The following PCDHA1 variants were observed in gnomAD, a reference collection of about 807,000 sequenced individuals.
The protein encoded by PCDHA1 is protocadherin alpha 1.
A neutral mutation model predicts 61.3 loss-of-function variants in PCDHA1; 42 were observed. The ratio of observed to expected loss-of-function variants is 0.69; its 90% confidence interval spans 0.54 to 0.89. The LOEUF (loss-of-function observed/expected upper bound fraction) is 0.89, where lower values mean the gene tolerates loss of function less well. Ranked by LOEUF, PCDHA1 falls within the 40% of genes least tolerant of loss-of-function variation. PCDHA1 has a pLI of 0.00. For synonymous variants in PCDHA1, 610 were observed against 553.8 expected, an observed-to-expected ratio of 1.10 and a Z score of -1.43; for missense variants, 1,256 against 1,235.3, an observed-to-expected ratio of 1.02 and a Z score of -0.25.
chr5:140,830,154 G>T (rs2150182095), intron 1 of PCDHA1: 1 of 1,613,332 alleles, frequency 6.2e-7, no homozygotes, highest in South Asian at 1.1e-5. Flanking sequence ...GGCGCCGCGG[G>T]CCCAGAGGCG....
At chr5:140,877,980 T>C in intron 1 of PCDHA1, 1 of 1,219,572 alleles carries the variant, frequency 8.2e-7, no homozygotes. Flanking sequence ...TTCTTACTCA[T>C]TTTGAACTTT....
At chr5:140,810,721 G>T (rs1764719603) in intron 1 of PCDHA1, 3 of 150,392 alleles carry the variant, frequency 2.0e-5, no homozygotes, top group South Asian at 2.1e-4. Flanking sequence ...TCCTTATCTT[G>T]TTTTTCTTAT....
chr5:140,843,565 G>T, intron 1 of PCDHA1: 1 of 1,595,918 alleles, frequency 6.3e-7, no homozygotes, highest in South Asian at 1.1e-5. Flanking sequence ...TGGGGAGCTG[G>T]TCATACTCGC....
At chr5:140,925,219 AG>A (rs1324328907) in intron 1 of PCDHA1, among the ~76,000 whole-genome samples, 1 of 152,238 alleles carries the variant, frequency 6.6e-6, no homozygotes, top group Admixed American at 6.5e-5. Context: ...ACTTTTAGGC[AG>A]GTTTCTACCA....
chr5:140,869,374 G>A, intron 1 of PCDHA1: 1 of 1,614,124 alleles, frequency 6.2e-7, no homozygotes, highest in Non-Finnish European at 8.5e-7. Context: ...TTCTCGGATC[G>A]ACCGCGAGGA....
intron 1 of PCDHA1, chr5:140,871,364 G>T (rs113722940): frequency 2.5e-6 from 4 of 1,614,102 alleles, no homozygotes; most frequent in Non-Finnish European, 3.4e-6. Context: ...CAGCAGAGGC[G>T]GCAGAGGGTG....
chr5:140,790,408 A>G (rs570457356), intron 1 of PCDHA1, among the ~76,000 whole-genome samples: 15 of 152,372 alleles, frequency 9.8e-5, no homozygotes, highest in Admixed American at 5.9e-4. Context: ...AAGACATTCT[A>G]TGAGAAATTA....
At chr5:140,994,998 G>A (rs2097659261) in intron 3 of PCDHA1, among the ~76,000 whole-genome samples, 1 of 152,150 alleles carries the variant, frequency 6.6e-6, no homozygotes, top group African/African-American at 2.4e-5. Context: ...AGGTTAGTTG[G>A]TTTGTTTATA....
intron 1 of PCDHA1, chr5:140,823,087 G>T: frequency 1.2e-6 from 2 of 1,613,984 alleles, no homozygotes; most frequent in East Asian, 4.5e-5. Context: ...GTGGGCCACC[G>T]CCAGCGTGTC....
intron 1 of PCDHA1, chr5:140,794,842 C>G (rs781952799): frequency 3.7e-6 from 4 of 1,078,268 alleles, no homozygotes; most frequent in Non-Finnish European, 2.7e-6. Flanking sequence ...ATACCCAGAG[C>G]CCCTTTGTTA....
intron 1 of PCDHA1, among the ~76,000 whole-genome samples, chr5:140,826,875 T>C (rs532892808): frequency 6.6e-6 from 1 of 152,100 alleles, no homozygotes; most frequent in Non-Finnish European, 1.5e-5. Context: ...TAAAATTCAA[T>C]GAAAGCTGTA....
intron 1 of PCDHA1, among the ~76,000 whole-genome samples, chr5:140,799,001 G>A (rs1762383728): frequency 6.6e-6 from 1 of 152,142 alleles, no homozygotes; most frequent in South Asian, 2.1e-4. Context: ...AGTAATACTT[G>A]ACCACTATGT....
intron 1 of PCDHA1, chr5:140,861,630 G>A (rs2047000934): frequency 6.3e-6 from 2 of 317,346 alleles, no homozygotes; most frequent in Admixed American, 6.9e-5. Flanking sequence ...AGTGTTCTCA[G>A]CAACACAAAA....
At chr5:140,800,743 G>C (rs114630693) in intron 1 of PCDHA1, among the ~76,000 whole-genome samples, 1,555 of 152,328 alleles carry the variant, frequency 0.01, 30 homozygotes, top group African/African-American at 0.036. Context: ...AAATAGAAAA[G>C]TGGCTGTCAC....
chr5:140,876,953 T>G (rs1455444799), intron 1 of PCDHA1: 6 of 1,613,306 alleles, frequency 3.7e-6, no homozygotes, highest in African/African-American at 1.3e-5. Flanking sequence ...TCCTACTCGC[T>G]GGTGGAGCGG....
intron 1 of PCDHA1, chr5:140,857,340 C>A (rs782392001): frequency 9.4e-6 from 15 of 1,598,236 alleles, no homozygotes; most frequent in Non-Finnish European, 1.2e-5. Context: ...GACGGGGGCT[C>A]GCCTCCGCTG....
chr5:140,947,188 T>C (rs2153678869), intron 1 of PCDHA1, among the ~76,000 whole-genome samples: 1 of 151,448 alleles, frequency 6.6e-6, no homozygotes, highest in South Asian at 2.1e-4. Context: ...CATGGTATAC[T>C]ACACAGCCTT....
rs78805068 is a variant in PCDHA1, at chr5:140,928,696, C to T, written c.2395-50253C>T. On this transcript the variant is annotated intron_variant, in intron 1 of 3. Transcript: ENST00000504120. ...TGCCTGGCTTTCCTACCACATCTCC[C>T]GGGCGTCTGACTCTAGTCTCTTTAG... The T allele has an allele frequency of 3.2e-3, 5,185 of 1,614,146 alleles. 27 individuals carry two copies. The highest frequency in any genetic ancestry group is 0.019 in the African/African-American group (1,449 of 75,020).
chr5:140,788,405 C>G lies in PCDHA1; in HGVS notation c.2115C>G (p.Cys705Trp). 6.2e-7 allele frequency: 1 copy of G among 1,614,090 alleles called. No individual in the cohort carries two copies. Among genetic ancestry groups the G allele is most frequent in the Non-Finnish European group, 8.5e-7 (1 of 1,179,980 alleles). Reference protein sequence around the residue: ...DVNVYLIIAICAVSSLLVLTL... With the variant: ...DVNVYLIIAIWAVSSLLVLTL... ...ACGTGTACCTGATCATCGCCATCTG[C>G]GCGGTGTCCAGCCTGCTGGTGCTCA... The change falls in exon 1 of 4, where the codon TGC becomes TGG. Residue 705 changes from cysteine to tryptophan, a missense_variant. Physicochemically the swap from Cys to Trp is radical, Grantham distance 215. Transcript: ENST00000504120.
Sources: allele counts gnomAD v4.1 joint callset (sites outside exome capture counted in the v4.1 genomes callset), GRCh38; gene constraint gnomAD v4.1.1; transcripts MANE v1.5; gene names NCBI Gene and HGNC (gene_info 2026-07-23, HGNC 2026-07-21).